Variants in HYCC1 observed in about 807,000 individuals in gnomAD.
HYCC1 encodes the protein hyccin.
chr7:22,960,032 AAT>A, the HYCC1 span, among the ~76,000 whole-genome samples: 4 of 152,214 alleles, frequency 2.6e-5, no homozygotes, highest in East Asian at 7.7e-4. Flanking sequence ...TTTCAAATTG[AAT>A]ATGATTTTTA....
chr7:23,000,249 T>TAA, the HYCC1 span, among the ~76,000 whole-genome samples: 1 of 152,170 alleles, frequency 6.6e-6, no homozygotes, highest in Non-Finnish European at 1.5e-5. Context: ...ATATGCTATA[T>TAA]AATCAGCAGT....
chr7:22,967,331 A>C, the HYCC1 span, among the ~76,000 whole-genome samples: 6 of 152,204 alleles, frequency 3.9e-5, no homozygotes, highest in Non-Finnish European at 8.8e-5. Flanking sequence ...AGTCTTGAAG[A>C]AAAAGTGATA....
chr7:22,923,515 G>A, the HYCC1 span, among the ~76,000 whole-genome samples: 18 of 152,010 alleles, frequency 1.2e-4, no homozygotes, highest in Middle Eastern at 0.014. Context: ...AGAAAAGAAC[G>A]AAACTCAAAG....
At chr7:22,934,197 C>CTT in the HYCC1 span, 1 of 99,804 alleles carries the variant, frequency 1.0e-5, no homozygotes, top group Non-Finnish European at 2.0e-5. Context: ...GTTTCCGCCT[C>CTT]TTTTTTTTCT....
At chr7:22,995,028 T>C in the HYCC1 span, among the ~76,000 whole-genome samples, 2 of 152,188 alleles carry the variant, frequency 1.3e-5, no homozygotes, top group East Asian at 1.9e-4. Flanking sequence ...GTTCTTCAAA[T>C]GTTGCTTTCT....
At chr7:22,939,444 TATCA>T in the HYCC1 span, 1 of 152,190 alleles carries the variant, frequency 6.6e-6, no homozygotes, top group Non-Finnish European at 1.5e-5. Context: ...TTTTCATCTT[TATCA>T]ATCTGACAGG....
the HYCC1 span, among the ~76,000 whole-genome samples, chr7:23,008,664 C>G: frequency 7.2e-5 from 11 of 151,784 alleles, no homozygotes; most frequent in Non-Finnish European, 1.3e-4. Flanking sequence ...ATTACTAGAG[C>G]AAAAAGAAAT....
At chr7:22,979,163 AT>A in the HYCC1 span, among the ~76,000 whole-genome samples, 2 of 152,284 alleles carry the variant, frequency 1.3e-5, no homozygotes, top group South Asian at 2.1e-4. Context: ...TACTAAACAG[AT>A]TTTCTACAAC....
the HYCC1 span, among the ~76,000 whole-genome samples, chr7:22,901,309 G>GA: frequency 1.4e-5 from 2 of 141,916 alleles, no homozygotes; most frequent in Admixed American, 7.0e-5. Flanking sequence ...GAGGAAGTCA[G>GA]AAAAAATAAA....
chr7:22,924,902 T>G, the HYCC1 span, among the ~76,000 whole-genome samples: 7 of 152,098 alleles, frequency 4.6e-5, no homozygotes, highest in Admixed American at 6.6e-5. Flanking sequence ...GGTCCCTGAC[T>G]CCCGAGTAGC....
chr7:22,929,832 C>A, the HYCC1 span, among the ~76,000 whole-genome samples: 1 of 152,106 alleles, frequency 6.6e-6, no homozygotes, highest in African/African-American at 2.4e-5. Flanking sequence ...CCCAGCCATC[C>A]CATTACTGGG....
the HYCC1 span, among the ~76,000 whole-genome samples, chr7:22,947,717 T>C: frequency 7.3e-6 from 1 of 136,984 alleles, no homozygotes; most frequent in Non-Finnish European, 1.6e-5. Flanking sequence ...ACACAGAAGT[T>C]CCCCTTTGTA....
chr7:22,933,302 G>T, the HYCC1 span, among the ~76,000 whole-genome samples: 1 of 152,068 alleles, frequency 6.6e-6, no homozygotes, highest in African/African-American at 2.4e-5. Context: ...CAAATTGTCG[G>T]TTTCTCCCTT....
chr7:23,010,504 G>A, the HYCC1 span, among the ~76,000 whole-genome samples: 1 of 152,142 alleles, frequency 6.6e-6, no homozygotes, highest in Non-Finnish European at 1.5e-5. Context: ...AGTAGACAGT[G>A]GTTTCCTGGG....
the HYCC1 span, chr7:22,943,951 A>G: frequency 6.6e-6 from 1 of 152,290 alleles, no homozygotes; most frequent in African/African-American, 2.4e-5. Flanking sequence ...AAACGAGTTC[A>G]TGCTTTTTGA....
chr7:22,927,308 C>T, the HYCC1 span, among the ~76,000 whole-genome samples: 1 of 151,972 alleles, frequency 6.6e-6, no homozygotes, highest in Non-Finnish European at 1.5e-5. Flanking sequence ...CAAAAGCTAG[C>T]AGAAGGCAAG....
the HYCC1 span, among the ~76,000 whole-genome samples, chr7:22,931,441 A>T: frequency 6.6e-6 from 1 of 152,200 alleles, no homozygotes; most frequent in East Asian, 1.9e-4. Context: ...ACTAATATAG[A>T]TTTTAGTACC....
At chr7:22,953,074 T>G in the HYCC1 span, among the ~76,000 whole-genome samples, 3 of 151,990 alleles carry the variant, frequency 2.0e-5, no homozygotes, top group African/African-American at 7.2e-5. Flanking sequence ...GAATTCTCCT[T>G]ATTGAGGTGG....
the HYCC1 span, among the ~76,000 whole-genome samples, chr7:22,905,544 T>C: frequency 6.6e-6 from 1 of 151,796 alleles, no homozygotes; most frequent in Non-Finnish European, 1.5e-5. Context: ...GGGACAAATA[T>C]ACAAACCATG....
Sources: allele counts gnomAD v4.1 joint callset (sites outside exome capture counted in the v4.1 genomes callset), GRCh38; gene constraint gnomAD v4.1.1; transcripts MANE v1.5; gene names NCBI Gene and HGNC (gene_info 2026-07-23, HGNC 2026-07-21).